RESF1: variants seen among roughly 807,000 people sequenced by gnomAD.
RESF1 encodes the protein gonad expressed transcript.
Under a neutral mutation model 134.7 loss-of-function variants are expected in RESF1, and 65 were observed. The observed-to-expected ratio is 0.48, with a 90% CI of 0.40 to 0.59. The LOEUF (loss-of-function observed/expected upper bound fraction) is 0.59, where lower values mean the gene tolerates loss of function less well. RESF1 is among the 20% of genes least tolerant of loss of function. The probability of loss-of-function intolerance (pLI) is 0.00; values close to 1 mark genes in which losing one functional copy is unlikely to be tolerated. For missense variants in RESF1, 2,274 were observed against 2,002.7 expected, an observed-to-expected ratio of 1.14 and a Z score of -2.59; for synonymous variants, 762 against 702.2, an observed-to-expected ratio of 1.09 and a Z score of -1.35.
chr12:31,985,752 A>G lies in RESF1; in HGVS notation c.4797A>G (p.Lys1599=), dbSNP rs772720688. 4 of 1,579,830 alleles carry G rather than the reference A, an allele frequency of 2.5e-6. No individual in the cohort carries two copies. The South Asian group carries it at 4.7e-5, about 19-fold the overall frequency. ...CTERESISLT[K]LESSPRKLHK... ...AACGTGAAAGCATTTCTCTCACCAA[A>G]TTAGAAAGTTCACCCAGGAAGCTTC... The change falls in exon 4 of 6, where the codon AAA becomes AAG. Residue 1599 remains lysine, a synonymous_variant. Transcript: ENST00000312561.
chr12:31,980,636 A>T (rs1440316881), intron 3 of RESF1, among the ~76,000 whole-genome samples: 1 of 152,344 alleles, frequency 6.6e-6, no homozygotes, highest in East Asian at 1.9e-4. Flanking sequence ...GGTGATTGGC[A>T]TTTAAATGTA....
chr12:31,979,277 C>A (rs901853934), intron 3 of RESF1, among the ~76,000 whole-genome samples: 2 of 152,172 alleles, frequency 1.3e-5, no homozygotes, highest in African/African-American at 4.8e-5. Flanking sequence ...CCAATTCTCT[C>A]CACATACCAA....
At position 31,982,453 on chromosome 12, in the gene RESF1, G is replaced by C. The variant is rs1209706512; in HGVS notation, c.1498G>C (p.Val500Leu). The C allele has an allele frequency of 2.5e-6, 4 of 1,613,822 alleles. No homozygotes were observed. Among genetic ancestry groups the C allele is most frequent in the Non-Finnish European group, 2.5e-6 (3 of 1,180,024 alleles). Reference sequence around the variant, plus strand: ...AGTCAATTGCAGAAGGTTTAACCAAGTTGATTCTGTTTTACCAAATCCTGT... The same window carrying C: ...AGTCAATTGCAGAAGGTTTAACCAACTTGATTCTGTTTTACCAAATCCTGT... ...QEVNCRRFNQ[V>L]DSVLPNPVYS... The change falls in exon 4 of 6, where the codon GTT becomes CTT. Residue 500 changes from valine (V) to leucine (L), a missense_variant. Coordinates refer to ENST00000312561, the MANE Select transcript of RESF1 (RefSeq NM_018169.4).
chr12:31,983,204 T>C lies in RESF1; in HGVS notation c.2249T>C (p.Ile750Thr). 1 of 1,610,290 alleles carries C rather than the reference T, an allele frequency of 6.2e-7. No homozygotes were observed. Among genetic ancestry groups the C allele is most frequent in the Middle Eastern group, 1.7e-4 (1 of 6,020 alleles). ...ATGCACAATTATGAGTCTTCAGGTA[T>C]AAATATAACAAAGGGAACAGAACTT... ...MVMHNYESSG[I>T]NITKGTELQI... The change falls in exon 4 of 6, where the codon ATA becomes ACA. Residue 750 changes from isoleucine to threonine, a missense_variant. Physicochemically the swap from Ile to Thr is moderately conservative, Grantham distance 89. Coordinates refer to ENST00000312561, the MANE Select transcript of RESF1 (RefSeq NM_018169.4).
At chr12:31,973,052 A>G (rs73294852) in intron 3 of RESF1, among the ~76,000 whole-genome samples, 25,328 of 152,042 alleles carry the variant, frequency 0.17, 2,569 homozygotes, top group African/African-American at 0.28. Context: ...GGAAGCACAA[A>G]TTCTTTTTAA....
intron 5 of RESF1, among the ~76,000 whole-genome samples, chr12:31,991,779 T>C (rs1940096813): frequency 6.6e-6 from 1 of 152,190 alleles, no homozygotes; most frequent in African/African-American, 2.4e-5. Flanking sequence ...TTGAACTGGC[T>C]TCATGTGATC....
intron 4 of RESF1, 29 bp downstream of exon 4, chr12:31,985,986 A>G: frequency 7.0e-7 from 1 of 1,432,142 alleles, no homozygotes; most frequent in Non-Finnish European, 9.2e-7. Context: ...GGTGGTGTCT[A>G]CAATATTGTA....
rs570746009 is a variant in RESF1, at chr12:31,982,655, C to T, written c.1700C>T (p.Ser567Phe). Residue 567 changes from serine (S) to phenylalanine (F), a missense_variant, in exon 4 of 6, where the codon TCC becomes TTC. By Grantham distance (155) the Ser-to-Phe change is radical. Transcript: ENST00000312561. ...AVCETISVPK[S>F]MSTEEYKSKI... Reference sequence around the variant, plus strand: ...TGTGAAACAATTTCTGTTCCCAAGTCCATGTCCACTGAGGAATATAAATCA... The same window carrying T: ...TGTGAAACAATTTCTGTTCCCAAGTTCATGTCCACTGAGGAATATAAATCA... 1 of 1,614,054 alleles carries T rather than the reference C, an allele frequency of 6.2e-7. No individual in the cohort carries two copies. Among genetic ancestry groups the T allele is most frequent in the Admixed American group, 1.7e-5 (1 of 60,026 alleles).
Position 31,992,719 on chromosome 12 carries a change from A to T in RESF1, c.*184A>T, listed in dbSNP as rs1467349557. On this transcript the variant is annotated 3_prime_UTR_variant, in exon 6 of 6. Coordinates refer to ENST00000312561, the MANE Select transcript of RESF1 (RefSeq NM_018169.4). Reference sequence around the variant, plus strand: ...TGAGAACTTTGGGTAGCCATGTGTAAGAAATGGATGGTATTCACCGGGGAA... The same window carrying T: ...TGAGAACTTTGGGTAGCCATGTGTATGAAATGGATGGTATTCACCGGGGAA... 1.1e-5 allele frequency: 7 copies of T among 620,086 alleles called. No homozygotes were observed. The highest frequency in any genetic ancestry group is 2.0e-5 in the Non-Finnish European group (7 of 349,898). 38.4% of individuals were successfully genotyped at this position (620,086 alleles called of 1,614,324 possible). A position where few individuals can be genotyped will look rare whatever the true frequency, so the allele number is the denominator to read the frequency against.
chr12:31,991,559 T>C (rs1940092800), intron 5 of RESF1, among the ~76,000 whole-genome samples: 1 of 152,244 alleles, frequency 6.6e-6, no homozygotes, highest in African/African-American at 2.4e-5. Context: ...TGTGATGGTA[T>C]GAAAGTGATA....
At chr12:31,960,323 T>G (rs1939231998) in intron 1 of RESF1, among the ~76,000 whole-genome samples, 1 of 152,122 alleles carries the variant, frequency 6.6e-6, no homozygotes, top group Non-Finnish European at 1.5e-5. Flanking sequence ...GCATTTTCAT[T>G]TAGTGGCGGG....
intron 2 of RESF1, among the ~76,000 whole-genome samples, chr12:31,969,785 A>C (rs11051707): frequency 0.09 from 13,623 of 152,176 alleles, 742 homozygotes; most frequent in Non-Finnish European, 0.13. Flanking sequence ...GGTGTGTGCT[A>C]CCACAATGCT....
At chr12:31,960,691 G>GAA (rs1340150865) in intron 1 of RESF1, 86 bp from the exon 2 acceptor site, 1 of 152,132 alleles carries the variant, frequency 6.6e-6, no homozygotes, top group African/African-American at 2.4e-5. Flanking sequence ...AGCCATAAAA[G>GAA]AAAACAGTTT....
intron 2 of RESF1, among the ~76,000 whole-genome samples, chr12:31,968,451 T>C (rs1441512746): frequency 1.5e-4 from 5 of 33,300 alleles, no homozygotes; most frequent in Non-Finnish European, 3.6e-4. Flanking sequence ...AGGACTTCTC[T>C]TTTTTTTTTT....
In RESF1 at chr12:31,982,557, G is replaced by T; in HGVS notation, c.1602G>T (p.Met534Ile). Residue 534 changes from methionine (M) to isoleucine (I), a missense_variant, in exon 4 of 6, where the codon ATG (methionine) becomes ATT (isoleucine). By Grantham distance (10) the Met-to-Ile change is conservative. Transcript: ENST00000312561. Reference sequence around the variant, plus strand: ...CTTCAAAGACATCAGCTGTTGAGATGACCCAGGCAGTATTGAATACTCAGC... The same window carrying T: ...CTTCAAAGACATCAGCTGTTGAGATTACCCAGGCAGTATTGAATACTCAGC... ...VLTSKTSAVE[M>I]TQAVLNTQLS... The T allele has an allele frequency of 6.2e-7, 1 of 1,613,808 alleles. No homozygotes were observed. Among genetic ancestry groups the T allele is most frequent in the South Asian group, 1.1e-5 (1 of 91,068 alleles).
chr12:31,980,795 G>T (rs1309611299), intron 3 of RESF1, 83 bp from the exon 4 acceptor site: 1 of 573,102 alleles, frequency 1.7e-6, no homozygotes, highest in Non-Finnish European at 3.0e-6. Flanking sequence ...TCAGTAATTA[G>T]GATGGACAGT....
At chr12:31,967,866 A>G (rs1318484058) in intron 2 of RESF1, among the ~76,000 whole-genome samples, 2 of 152,196 alleles carry the variant, frequency 1.3e-5, no homozygotes, top group Non-Finnish European at 2.9e-5. Flanking sequence ...TAAAGTCAAA[A>G]TTATTAAGTC....
intron 2 of RESF1, among the ~76,000 whole-genome samples, chr12:31,961,253 C>T (rs1939259786): frequency 1.3e-5 from 2 of 152,138 alleles, no homozygotes; most frequent in African/African-American, 2.4e-5. Context: ...GGATGCTTCC[C>T]GTGCAGCCAA....
At position 31,959,491 on chromosome 12, in the gene RESF1, G is replaced by T. The variant is rs1939199888; in HGVS notation, c.-342G>T. The stretch of plus-strand genomic sequence containing the variant: ...CCGGGGTGGTCCTCTTCCCTTTGTC[G>T]GTAAGTGTGAGACGAGCACCCCGAG... On this transcript the variant is annotated splice_region_variant and 5_prime_UTR_variant, in exon 1 of 6. Transcript: ENST00000312561. 6.6e-6 allele frequency: 1 copy of T among 152,280 alleles called. No individual in the cohort carries two copies. The allele number at this position is 152,280 out of a possible 1,614,324, so 9.4% of individuals were successfully genotyped here. A position where few individuals can be genotyped will look rare whatever the true frequency, so the allele number is the denominator to read the frequency against.
Sources: allele counts gnomAD v4.1 joint callset (sites outside exome capture counted in the v4.1 genomes callset), GRCh38; gene constraint gnomAD v4.1.1; transcripts MANE v1.5; gene names NCBI Gene and HGNC (gene_info 2026-07-23, HGNC 2026-07-21).